Variants in SYCP2L observed in about 807,000 individuals in gnomAD.
SYCP2L encodes the protein synaptonemal complex protein 2-like.
Under a neutral mutation model 125.8 loss-of-function variants are expected in SYCP2L, and 98 were observed. The ratio of observed to expected loss-of-function variants is 0.78; its 90% CI spans 0.66 to 0.92. SYCP2L has a LOEUF of 0.92. Among genes scored for constraint, SYCP2L ranks in the 40% least tolerant of loss-of-function variants. The pLI is 0.00. For missense variants in SYCP2L, 842 were observed against 936.4 expected, an observed-to-expected ratio of 0.90 and a Z score of 1.32; for synonymous variants, 317 against 325.4, an observed-to-expected ratio of 0.97 and a Z score of 0.28.
In SYCP2L at chr6:10,947,588, A is replaced by G. The variant is rs189603768; in HGVS notation, c.1954+4842A>G. 1.2e-3 allele frequency among the ~76,000 whole-genome samples: 180 copies of G among 152,228 alleles called. 1 individual carries two copies. Among genetic ancestry groups the G allele is most frequent in the Non-Finnish European group, 1.3e-3 (90 of 67,940 alleles). ...AAGTAGAGCGATACTGTTAATTTTT[A>G]TAAAATAACCCTGTATCTGGCAACC... On this transcript the variant is annotated intron_variant, in intron 23 of 29. Transcript: ENST00000283141.
At chr6:10,922,347 GC>G (rs1780812674) in intron 14 of SYCP2L, among the ~76,000 whole-genome samples, 1 of 152,042 alleles carries the variant, frequency 6.6e-6, no homozygotes, top group Admixed American at 6.6e-5. Flanking sequence ...CTGTATCATA[GC>G]CCTTCTGGTT....
Position 10,904,912 on chromosome 6 carries a change from T to G in SYCP2L, c.642-1108T>G, listed in dbSNP as rs187078094. Reference sequence around the variant, plus strand: ...GCACTTTGGGAGGCTGAGGCTAAGGTGGGCGGATCACTTGAGGTCAGGAGT... The same window carrying G: ...GCACTTTGGGAGGCTGAGGCTAAGGGGGGCGGATCACTTGAGGTCAGGAGT... On this transcript the variant is annotated intron_variant, in intron 8 of 29. Transcript: ENST00000283141. 6.0e-3 allele frequency among the ~76,000 whole-genome samples: 906 copies of G among 151,818 alleles called. 28 individuals carry two copies. Among genetic ancestry groups the G allele is most frequent in the Admixed American group, 0.051 (777 of 15,212 alleles).
chr6:10,893,703 C>G (rs954552339), intron 2 of SYCP2L, among the ~76,000 whole-genome samples, 164 bp from the exon 3 acceptor site: 26 of 152,162 alleles, frequency 1.7e-4, no homozygotes, highest in African/African-American at 6.0e-4. Context: ...AAACATCAAT[C>G]ATTTGTGAAA....
At chr6:10,963,674 T>C in intron 28 of SYCP2L, 108 bp from the exon 29 acceptor site, 2 of 1,072,474 alleles carry the variant, frequency 1.9e-6, no homozygotes, top group South Asian at 2.8e-5. Flanking sequence ...AATTAAGTAA[T>C]ATAATGGTCT....
At chr6:10,920,133 C>A (rs933138614) in intron 14 of SYCP2L, among the ~76,000 whole-genome samples, 2 of 152,166 alleles carry the variant, frequency 1.3e-5, no homozygotes, top group South Asian at 4.2e-4. Flanking sequence ...ACTGTTGTCT[C>A]AAGGCAATCT....
chr6:10,943,728 T>A (rs1781262122), intron 23 of SYCP2L, among the ~76,000 whole-genome samples: 1 of 152,190 alleles, frequency 6.6e-6, no homozygotes, highest in Non-Finnish European at 1.5e-5. Flanking sequence ...TTACTTCTTT[T>A]TATAATTTTG....
chr6:10,888,884 C>T (rs905043819), intron 1 of SYCP2L, among the ~76,000 whole-genome samples: 4 of 150,960 alleles, frequency 2.6e-5, no homozygotes, highest in South Asian at 2.1e-4. Flanking sequence ...TTTTTTGATA[C>T]GGAGTCTCAC....
In SYCP2L at chr6:10,961,353, C is replaced by T. The variant is rs576927129; in HGVS notation, c.2304C>T (p.Ser768=). The part of the protein sequence containing the change: ...RFQNLVLQEL[S]SLKQDIQALE... ...AAAATTTGGTTCTTCAAGAGTTGAG[C>T]AGTCTTAAGCAGGATATTCAGGCCC... The change falls in exon 27 of 30, where the codon AGC becomes AGT. Residue 768 remains serine (S), a synonymous_variant. Transcript: ENST00000283141. The T allele has an allele frequency of 2.5e-6, 4 of 1,614,120 alleles. No individual in the cohort carries two copies. In the African/African-American group the frequency reaches 4.0e-5, roughly 16 times the overall value.
chr6:10,952,726 A>G (rs1225742), intron 23 of SYCP2L, among the ~76,000 whole-genome samples: 144,889 of 152,254 alleles, frequency 0.95, 69,283 homozygotes, highest in East Asian at 1. Flanking sequence ...TAGACACCAC[A>G]GAAGATGCAA....
Position 10,891,565 on chromosome 6 carries a change from A to G in SYCP2L, c.62A>G (p.Gln21Arg). 6.2e-7 allele frequency: 1 copy of G among 1,601,076 alleles called. No individual in the cohort carries two copies. Among genetic ancestry groups the G allele is most frequent in the African/African-American group, 1.3e-5 (1 of 74,452 alleles). ...AAGGAAGACAGGACTGGGAAGGCCC[A>G]GGATGATGCTTTCTGGGTAAAGATC... ...PIKEDRTGKA[Q>R]DDAFWLQSLI... is the part of the protein sequence containing the mutation. The change falls in exon 2 of 30, where the codon CAG becomes CGG. Residue 21 changes from glutamine (Q) to arginine (R), a missense_variant. Physicochemically the swap from Gln to Arg is conservative, Grantham distance 43. Coordinates refer to ENST00000283141, the MANE Select transcript of SYCP2L (RefSeq NM_001040274.3).
chr6:10,895,576 T>C (rs1780243335), intron 4 of SYCP2L, among the ~76,000 whole-genome samples: 1 of 151,290 alleles, frequency 6.6e-6, no homozygotes. Flanking sequence ...TAACGCTTGC[T>C]ACCGTGGCGT....
Position 10,942,444 on chromosome 6 carries a change from C to G in SYCP2L, c.1814-15C>G. On this transcript the variant is annotated splice_polypyrimidine_tract_variant and intron_variant, in intron 21 of 29. Transcript: ENST00000283141. ...CTTGGCGTGTATTCACTTGAAACTT[C>G]TCTCTAATGCTCAGAGCTTCAAGAT... is the stretch of plus-strand genomic sequence containing the variant. The G allele has an allele frequency of 6.5e-7, 1 of 1,536,586 alleles. No homozygotes were observed.
At chr6:10,943,396 T>G (rs1293658879) in intron 23 of SYCP2L, among the ~76,000 whole-genome samples, 1 of 152,216 alleles carries the variant, frequency 6.6e-6, no homozygotes, top group Non-Finnish European at 1.5e-5. Context: ...CCATCCTGTT[T>G]TAGGAATATA....
intron 21 of SYCP2L, among the ~76,000 whole-genome samples, chr6:10,938,770 A>G (rs1781155098): frequency 6.6e-6 from 1 of 152,226 alleles, no homozygotes; most frequent in Non-Finnish European, 1.5e-5. Context: ...TCAACAAAAC[A>G]AAACAAAAAT....
intron 6 of SYCP2L, among the ~76,000 whole-genome samples, chr6:10,899,581 A>G (rs776757586): frequency 1.3e-4 from 20 of 152,194 alleles, no homozygotes; most frequent in Admixed American, 1.0e-3. Flanking sequence ...TTATGATACC[A>G]TGGATTCAAA....
intron 11 of SYCP2L, 72 bp downstream of exon 11, chr6:10,910,272 A>G: frequency 4.3e-6 from 6 of 1,402,260 alleles, no homozygotes; most frequent in Non-Finnish European, 6.0e-6. Context: ...AGAACAGTTT[A>G]GGGTCTGTTT....
At chr6:10,924,121 G>A (rs181230185) in intron 14 of SYCP2L, among the ~76,000 whole-genome samples, 2 of 152,338 alleles carry the variant, frequency 1.3e-5, no homozygotes. Context: ...TTCAGAGAGA[G>A]AGAGAGTGAA....
In SYCP2L at chr6:10,935,265, T is replaced by A. The variant is rs772972802; in HGVS notation, c.1813+78T>A. The A allele has an allele frequency of 4.7e-4, 661 of 1,398,224 alleles. 4 individuals carry two copies. The highest frequency in any genetic ancestry group is 7.5e-5 in the Non-Finnish European group (76 of 1,016,356). 86.6% of individuals were successfully genotyped at this position (1,398,224 alleles called of 1,614,324 possible). A position where few individuals can be genotyped will look rare whatever the true frequency, so the allele number is the denominator to read the frequency against. On this transcript the variant is annotated intron_variant, in intron 21 of 29. Coordinates refer to ENST00000283141, the MANE Select transcript of SYCP2L (RefSeq NM_001040274.3). ...TAGTTTGAAGTAAACAAAACATTTT[T>A]ATTTTAATATCTATTAAAGAAAATA...
chr6:10,895,583 G>T (rs1780243481), intron 4 of SYCP2L, among the ~76,000 whole-genome samples: 1 of 151,728 alleles, frequency 6.6e-6, no homozygotes, highest in South Asian at 2.1e-4. Flanking sequence ...TGCTACCGTG[G>T]CGTGCCTGGG....
Sources: gnomAD v4.1 joint callset for allele counts (sites outside exome capture counted in the v4.1 genomes callset) on GRCh38, gnomAD v4.1.1 for gene constraint, MANE v1.5 for transcripts, NCBI Gene and HGNC (gene_info 2026-07-23, HGNC 2026-07-21) for gene names.